Variants in KCNIP4 observed in about 807,000 individuals in gnomAD.
KCNIP4 encodes potassium voltage-gated channel interacting protein 4, also known as Kv channel-interacting protein 4.
Under a neutral mutation model 34.0 loss-of-function variants are expected in KCNIP4, and 12 were observed. The observed-to-expected ratio is 0.35, with a 90% CI of 0.23 to 0.57. The LOEUF (loss-of-function observed/expected upper bound fraction) is 0.57, where lower values mean the gene tolerates loss of function less well. KCNIP4 is among the 20% of genes least tolerant of loss of function. The pLI, the probability that KCNIP4 is intolerant of heterozygous loss-of-function variation, is 0.83. For missense variants in KCNIP4, 238 were observed against 311.7 expected (o/e 0.76, Z 1.78); for synonymous variants, 124 against 102.2 (o/e 1.21, Z -1.29).
chr4:21,664,955 G>C (rs1748727647), intron 1 of KCNIP4, among the ~76,000 whole-genome samples: 1 of 152,056 alleles, frequency 6.6e-6, no homozygotes, highest in Non-Finnish European at 1.5e-5. Context: ...AATGAAAATG[G>C]CTTGAATTTC....
At chr4:21,810,265 A>G (rs1721549881) in intron 1 of KCNIP4, among the ~76,000 whole-genome samples, 1 of 152,246 alleles carries the variant, frequency 6.6e-6, no homozygotes, top group South Asian at 2.1e-4. Flanking sequence ...GCATAGAAAT[A>G]TTCAATAGCA....
intron 4 of KCNIP4, among the ~76,000 whole-genome samples, chr4:20,752,055 G>GTTTTTTTTTTT (rs33912651): frequency 1.6e-5 from 2 of 121,674 alleles, no homozygotes; most frequent in South Asian, 5.9e-4. Context: ...ACTTCATAGA[G>GTTTTTTTTTTT]TTTTTTTTTT....
intron 1 of KCNIP4, among the ~76,000 whole-genome samples, chr4:21,364,004 T>C (rs972846952): frequency 4.8e-4 from 73 of 152,148 alleles, no homozygotes; most frequent in African/African-American, 1.8e-3. Context: ...AAGGATGGAA[T>C]GGAGCTAAGC....
rs1169435919 is a variant in KCNIP4 at position 21,779,292 on chromosome 4, T to C, written c.61+169279A>G. 5.3e-5 allele frequency among the ~76,000 whole-genome samples: 8 copies of C among 152,112 alleles called. No individual in the cohort carries two copies. In the East Asian group the frequency reaches 5.8e-4, roughly 11 times the overall value. On this transcript the variant is annotated intron_variant, in intron 1 of 8. Coordinates refer to ENST00000382152, the MANE Select transcript of KCNIP4 (RefSeq NM_025221.6). ...CAGGGCGGCAAGGATGATAACTCTA[T>C]TAGCATTTAAAAAGCATAAAAATAC... is the stretch of plus-strand genomic sequence containing the variant.
intron 1 of KCNIP4, among the ~76,000 whole-genome samples, chr4:21,628,732 C>A (rs115270702): frequency 6.6e-6 from 1 of 152,070 alleles, no homozygotes; most frequent in African/African-American, 2.4e-5. Flanking sequence ...ACAAGTATCT[C>A]CCTACCAATA....
At chr4:21,211,463 G>A (rs1209230195) in intron 1 of KCNIP4, among the ~76,000 whole-genome samples, 1 of 152,050 alleles carries the variant, frequency 6.6e-6, no homozygotes, top group African/African-American at 2.4e-5. Flanking sequence ...TGTGAGCTGC[G>A]TATGTGAGGG....
chr4:20,736,253 T>G (rs1749602661), intron 5 of KCNIP4, among the ~76,000 whole-genome samples: 1 of 152,206 alleles, frequency 6.6e-6, no homozygotes, highest in Non-Finnish European at 1.5e-5. Context: ...TTTTTCCACT[T>G]AAGCATAAAT....
intron 3 of KCNIP4, among the ~76,000 whole-genome samples, chr4:20,818,631 G>A (rs2149441969): frequency 6.6e-6 from 1 of 152,294 alleles, no homozygotes. Context: ...GCTGTTGTGA[G>A]AGAACTGGTT....
chr4:21,169,957 C>T (rs931413888), intron 1 of KCNIP4, among the ~76,000 whole-genome samples: 5 of 151,920 alleles, frequency 3.3e-5, no homozygotes, highest in Non-Finnish European at 5.9e-5. Flanking sequence ...ATGTTTATAC[C>T]AAAGAAGAAC....
At chr4:21,051,606 C>G (rs1302080274) in intron 1 of KCNIP4, among the ~76,000 whole-genome samples, 1 of 151,886 alleles carries the variant, frequency 6.6e-6, no homozygotes, top group Admixed American at 6.6e-5. Flanking sequence ...AGACAATTCT[C>G]AAAATGGCAG....
chr4:21,840,363 A>G (rs529338526), intron 1 of KCNIP4, among the ~76,000 whole-genome samples: 25 of 151,930 alleles, frequency 1.6e-4, no homozygotes, highest in Non-Finnish European at 3.4e-4. Context: ...TGCTCTCTGA[A>G]TTTACAAATG....
At chr4:21,781,376 G>A (rs554161887) in intron 1 of KCNIP4, among the ~76,000 whole-genome samples, 19 of 152,076 alleles carry the variant, frequency 1.2e-4, no homozygotes, top group Admixed American at 1.3e-4. Flanking sequence ...TAAATTACCC[G>A]GTCTCAGGTA....
chr4:21,172,623 C>T (rs1030066146), intron 1 of KCNIP4, among the ~76,000 whole-genome samples: 3 of 152,136 alleles, frequency 2.0e-5, no homozygotes, highest in African/African-American at 7.2e-5. Flanking sequence ...CCTGGCACAG[C>T]ATGCATGTTG....
At chr4:21,805,771 C>A (rs1721254564) in intron 1 of KCNIP4, among the ~76,000 whole-genome samples, 1 of 152,184 alleles carries the variant, frequency 6.6e-6, no homozygotes, top group Non-Finnish European at 1.5e-5. Context: ...CTACACCCTT[C>A]CTGAGCCCTG....
At chr4:21,727,289 A>G (rs531806978) in intron 1 of KCNIP4, among the ~76,000 whole-genome samples, 45 of 152,246 alleles carry the variant, frequency 3.0e-4, no homozygotes, top group African/African-American at 1.1e-3. Flanking sequence ...ATGTGAGGAC[A>G]TAATCTTCAT....
At chr4:21,716,248 T>A (rs373722157) in intron 1 of KCNIP4, among the ~76,000 whole-genome samples, 54 of 152,272 alleles carry the variant, frequency 3.5e-4, no homozygotes, top group African/African-American at 1.0e-3. Context: ...TTTTAATTTT[T>A]ATTTTTGAGA....
chr4:20,762,072 T>G (rs1755006096), intron 3 of KCNIP4, among the ~76,000 whole-genome samples: 1 of 152,180 alleles, frequency 6.6e-6, no homozygotes, highest in Non-Finnish European at 1.5e-5. Context: ...ACTAGGCAGC[T>G]TATAAACAAT....
chr4:20,985,895 T>C (rs545298758), intron 1 of KCNIP4, among the ~76,000 whole-genome samples: 41 of 152,308 alleles, frequency 2.7e-4, no homozygotes, highest in African/African-American at 9.9e-4. Flanking sequence ...TTGAGGTTGG[T>C]AGACCTGGGT....
chr4:21,232,064 C>T (rs1466072186), intron 1 of KCNIP4, among the ~76,000 whole-genome samples: 3 of 152,090 alleles, frequency 2.0e-5, no homozygotes, highest in Non-Finnish European at 2.9e-5. Context: ...ATTTGACAGG[C>T]GGCCTTGATT....
Sources: gnomAD v4.1 joint callset for allele counts (sites outside exome capture counted in the v4.1 genomes callset) on GRCh38, gnomAD v4.1.1 for gene constraint, MANE v1.5 for transcripts, NCBI Gene and HGNC (gene_info 2026-07-23, HGNC 2026-07-21) for gene names.